Variants in STK4 observed in about 807,000 individuals in gnomAD.
STK4 encodes serine/threonine kinase 4.
A neutral mutation model predicts 64.9 loss-of-function variants in STK4; 30 were observed. The ratio of observed to expected loss-of-function variants is 0.46; its 90% CI spans 0.35 to 0.63. The LOEUF (loss-of-function observed/expected upper bound fraction) is 0.63. STK4 is among the 20% of genes least tolerant of loss of function. The pLI is 0.01. For missense variants in STK4, 466 were observed against 598.5 expected, an observed-to-expected ratio of 0.78 and a Z score of 2.31; for synonymous variants, 177 against 199.0, an observed-to-expected ratio of 0.89 and a Z score of 0.93.
intron 4 of STK4, among the ~76,000 whole-genome samples, chr20:44,985,254 A>C (rs2067512331): frequency 1.3e-5 from 2 of 152,190 alleles, no homozygotes; most frequent in Admixed American, 1.3e-4. Flanking sequence ...TGATAATAAT[A>C]GTTCCTCTAC....
chr20:45,063,805 T>C (rs551359513), intron 10 of STK4, among the ~76,000 whole-genome samples: 25 of 151,960 alleles, frequency 1.6e-4, no homozygotes, highest in Admixed American at 3.9e-4. Flanking sequence ...AGTGTTTTTA[T>C]TTATTTATTT....
At chr20:44,972,801 T>A (rs2067272210) in intron 2 of STK4, 1 of 152,088 alleles carries the variant, frequency 6.6e-6, no homozygotes, top group Admixed American at 6.5e-5. Flanking sequence ...GACCAGGAAA[T>A]TAAAATGTTA....
chr20:45,012,419 T>G (rs1366512147), intron 9 of STK4, among the ~76,000 whole-genome samples: 3 of 152,234 alleles, frequency 2.0e-5, no homozygotes, highest in African/African-American at 7.2e-5. Context: ...ATACACAGAT[T>G]AATTAGGCAG....
At chr20:44,990,398 T>C (rs1437332739) in intron 5 of STK4, among the ~76,000 whole-genome samples, 2 of 113,068 alleles carry the variant, frequency 1.8e-5, no homozygotes, top group African/African-American at 5.3e-5. Flanking sequence ...CTTGCTGGAC[T>C]TTTTTTTTTT....
intron 9 of STK4, among the ~76,000 whole-genome samples, chr20:45,004,832 G>A (rs1019151865): frequency 6.7e-6 from 1 of 148,672 alleles, no homozygotes; most frequent in Non-Finnish European, 1.5e-5. Context: ...GCAGTGGTGC[G>A]ATCTTGGCTC....
rs181669737 is a variant in STK4 at position 44,970,135 on chromosome 20, C to T, written c.36-1943C>T. Among the ~76,000 whole-genome samples, 31 of 151,864 alleles carry T rather than the reference C, an allele frequency of 2.0e-4. 1 individual carries two copies. The highest frequency in any genetic ancestry group is 7.5e-4 in the African/African-American group (31 of 41,366). ...ATTCGAGCCGTCATATGCTAAATGACGAGTTAATGGGTGCAGCACACCAGC... is the reference window on the plus strand; with the variant it reads ...ATTCGAGCCGTCATATGCTAAATGATGAGTTAATGGGTGCAGCACACCAGC... On this transcript the variant is annotated intron_variant, in intron 1 of 10. Coordinates refer to ENST00000372806, the MANE Select transcript of STK4 (RefSeq NM_006282.5).
rs569736817 is a variant in STK4, at chr20:45,000,435, A to G, written c.875A>G (p.Asp292Gly). The change falls in exon 8 of 11, where the codon GAC (aspartate) becomes GGC (glycine). Residue 292 changes from aspartate to glycine, a missense_variant. Asp to Gly is a moderately conservative substitution (Grantham distance 94, BLOSUM62 -1). This residue lies in a region of STK4 where 276 missense variants were observed against 308.9 expected (regional missense o/e 0.89). Coordinates refer to ENST00000372806, the MANE Select transcript of STK4 (RefSeq NM_006282.5). ...RSAKGVSILR[D>G]LINEAMDVKL... ...GCCAAAGGAGTGTCAATACTGCGAG[A>G]CTTAATTAATGAAGCCATGGATGTG... 2 of 1,614,060 alleles carry G rather than the reference A, an allele frequency of 1.2e-6. No homozygotes were observed. The highest frequency in any genetic ancestry group is 2.7e-5 in the African/African-American group (2 of 75,044).
intron 5 of STK4, among the ~76,000 whole-genome samples, chr20:44,989,597 G>A (rs555313586): frequency 3.3e-5 from 5 of 152,140 alleles, no homozygotes; most frequent in Admixed American, 6.5e-5. Flanking sequence ...AATTTTGGTC[G>A]TGTCCAGTTT....
In STK4 at chr20:44,987,132, T is replaced by C. The variant is rs770911844; in HGVS notation, c.361T>C (p.Leu121=). Residue 121 remains leucine (L), a splice_region_variant and synonymous_variant, in exon 5 of 11, where the codon TTA becomes CTA. Coordinates refer to ENST00000372806, the MANE Select transcript of STK4 (RefSeq NM_006282.5). ...TTTGAACTTCTTATTCTTTTTTCAG[T>C]TAACAGAAGATGAAATAGCTACAAT... ...SDIIRLRNKT[L]TEDEIATILQ... is the part of the protein sequence containing the mutation. 5 of 1,582,512 alleles carry C rather than the reference T, an allele frequency of 3.2e-6. No homozygotes were observed. In the South Asian group the frequency reaches 4.6e-5, roughly 15 times the overall value.
At chr20:45,046,505 CTT>C (rs950296404) in intron 10 of STK4, among the ~76,000 whole-genome samples, 1 of 150,096 alleles carries the variant, frequency 6.7e-6, no homozygotes, top group Non-Finnish European at 1.5e-5. Flanking sequence ...GTGGAGGAAT[CTT>C]AATGGATACA....
Position 44,987,158 on chromosome 20 carries a change from A to G in STK4, c.387A>G (p.Ile129Met), listed in dbSNP as rs371332575. Residue 129 changes from isoleucine (I) to methionine (M), a missense_variant, in exon 5 of 11, where the codon ATA becomes ATG. Ile to Met is a conservative substitution (Grantham distance 10, BLOSUM62 1). Around this residue, in one of 2 missense-constraint regions of STK4, gnomAD observed 190 missense variants for 289.7 expected, o/e 0.66. Coordinates refer to ENST00000372806, the MANE Select transcript of STK4 (RefSeq NM_006282.5). ...KTLTEDEIAT[I>M]LQSTLKGLEY... ...TAACAGAAGATGAAATAGCTACAATATTACAATCAACTCTTAAGGGACTTG... is the reference window on the plus strand; with the variant it reads ...TAACAGAAGATGAAATAGCTACAATGTTACAATCAACTCTTAAGGGACTTG... 53 of 1,602,074 alleles carry G rather than the reference A, an allele frequency of 3.3e-5. No individual in the cohort carries two copies. The highest frequency in any genetic ancestry group is 7.9e-5 in the South Asian group (7 of 89,096).
intron 9 of STK4, among the ~76,000 whole-genome samples, chr20:45,015,929 A>G (rs375418021): frequency 2.6e-5 from 4 of 152,210 alleles, no homozygotes; most frequent in African/African-American, 9.7e-5. Context: ...CATTTCTTCA[A>G]CAGTGCTACT....
At chr20:44,968,796 G>A (rs1473867646) in intron 1 of STK4, among the ~76,000 whole-genome samples, 1 of 152,214 alleles carries the variant, frequency 6.6e-6, no homozygotes, top group Non-Finnish European at 1.5e-5. Context: ...GAAGTGGCTG[G>A]TGATTCCCAG....
At position 45,077,818 on chromosome 20, in the gene STK4, A is replaced by G. The variant is rs1208775632; in HGVS notation, c.*2642A>G. 3 of 152,194 alleles carry G rather than the reference A, an allele frequency of 2.0e-5. No individual in the cohort carries two copies. The highest frequency in any genetic ancestry group is 6.5e-5 in the Admixed American group (1 of 15,284). The allele number at this position is 152,194 out of a possible 1,614,324, so 9.4% of individuals were successfully genotyped here. A position where few individuals can be genotyped will look rare whatever the true frequency, so the allele number is the denominator to read the frequency against. ...CCCCATAACTATTCTTGGGTCATGA[A>G]CTTTGATCTGGAGTTTGTTTTGTTT... On this transcript the variant is annotated 3_prime_UTR_variant, in exon 11 of 11. Coordinates refer to ENST00000372806, the MANE Select transcript of STK4 (RefSeq NM_006282.5).
intron 10 of STK4, among the ~76,000 whole-genome samples, chr20:45,029,946 G>C (rs2068414808): frequency 6.6e-6 from 1 of 151,998 alleles, no homozygotes; most frequent in African/African-American, 2.4e-5. Context: ...ACTCTTACTG[G>C]AGGTACCAAA....
Position 45,075,008 on chromosome 20 carries a change from T to C in STK4, c.1306-10T>C, listed in dbSNP as rs1980399058. On this transcript the variant is annotated splice_polypyrimidine_tract_variant and intron_variant, in intron 10 of 10. Coordinates refer to ENST00000372806, the MANE Select transcript of STK4 (RefSeq NM_006282.5). ...CTTTGTCGTGACTATACCTTCCACT[T>C]CTCTTCTAGCTTAAGAGTTGGACAG... The C allele has an allele frequency of 1.1e-5, 17 of 1,614,052 alleles. No homozygotes were observed. In the East Asian group the frequency reaches 3.8e-4, roughly 36 times the overall value.
At chr20:45,028,204 T>A (rs2068385973) in intron 10 of STK4, among the ~76,000 whole-genome samples, 1 of 152,240 alleles carries the variant, frequency 6.6e-6, no homozygotes, top group Non-Finnish European at 1.5e-5. Flanking sequence ...TATAATCGTT[T>A]TATTACTTTA....
chr20:45,054,487 C>CA (rs200017660), intron 10 of STK4, among the ~76,000 whole-genome samples: 4,232 of 150,828 alleles, frequency 0.028, 183 homozygotes, highest in African/African-American at 0.093. Context: ...CACTTGAACC[C>CA]GGAGTTTGAG....
intron 10 of STK4, among the ~76,000 whole-genome samples, chr20:45,051,059 T>G (rs1204281779): frequency 1.3e-5 from 2 of 152,210 alleles, no homozygotes; most frequent in Non-Finnish European, 2.9e-5. Flanking sequence ...ATAGAAACTT[T>G]CCACTTCAAA....
Sources: allele counts gnomAD v4.1 joint callset (sites outside exome capture counted in the v4.1 genomes callset), GRCh38; gene constraint gnomAD v4.1.1; regional missense constraint gnomAD v4.1.1; transcripts MANE v1.5; gene names NCBI Gene and HGNC (gene_info 2026-07-23, HGNC 2026-07-21).